EPB41L2: variants seen among roughly 807,000 people sequenced by gnomAD.
EPB41L2 encodes the protein erythrocyte membrane protein band 4.1 like 2.
Under a neutral mutation model 113.0 loss-of-function variants are expected in EPB41L2, and 43 were observed. The observed-to-expected ratio is 0.38, with a 90% CI of 0.30 to 0.49. EPB41L2 has a LOEUF of 0.49. Ranked by LOEUF, EPB41L2 falls within the 20% of genes least tolerant of loss-of-function variation. The probability of loss-of-function intolerance (pLI) is 0.95; values close to 1 mark genes in which losing one functional copy is unlikely to be tolerated. For synonymous variants in EPB41L2, 442 were observed against 436.7 expected (o/e 1.01, Z -0.15); for missense variants, 1,147 against 1,223.4 (o/e 0.94, Z 0.93).
Position 130,926,727 on chromosome 6 carries a change from A to G in EPB41L2, c.706-18T>C. 6.5e-7 allele frequency: 1 copy of G among 1,537,606 alleles called. No individual in the cohort carries two copies. Among genetic ancestry groups the G allele is most frequent in the Non-Finnish European group, 8.8e-7 (1 of 1,130,170 alleles). On this transcript the variant is annotated intron_variant, in intron 3 of 19. Transcript: ENST00000337057. Reference sequence around the variant, plus strand: ...GCATGTTTCTGGAGAAAAAATAATAACTTTACTTTTCAAGTACTAAAGATT... The same window carrying G: ...GCATGTTTCTGGAGAAAAAATAATAGCTTTACTTTTCAAGTACTAAAGATT...
chr6:131,059,616 G>C (rs1245090489), intron 1 of EPB41L2, among the ~76,000 whole-genome samples: 1 of 152,168 alleles, frequency 6.6e-6, no homozygotes, highest in Non-Finnish European at 1.5e-5. Context: ...TGACAGAATC[G>C]CATACAAATC....
Position 130,958,618 on chromosome 6 carries a change from T to C in EPB41L2, c.-14-2119A>G, listed in dbSNP as rs181760426. On this transcript the variant is annotated intron_variant, in intron 1 of 19. Coordinates refer to ENST00000337057, the MANE Select transcript of EPB41L2 (RefSeq NM_001431.4). ...GACAAAATAGCCAGAATGGAAGGTA[T>C]GTGTCAGGCATAGGGAGTTGTGTGG... Among the ~76,000 whole-genome samples, 6 of 152,278 alleles carry C rather than the reference T, an allele frequency of 3.9e-5. No homozygotes were observed. In the East Asian group the frequency reaches 5.8e-4, roughly 15 times the overall value.
chr6:130,875,885 C>G (rs1398394960), intron 14 of EPB41L2, among the ~76,000 whole-genome samples: 1 of 150,530 alleles, frequency 6.6e-6, no homozygotes, highest in Non-Finnish European at 1.5e-5. Flanking sequence ...GTAATCCCAG[C>G]TAAACAGGAA....
At chr6:131,020,667 T>G (rs1789245855) in intron 1 of EPB41L2, among the ~76,000 whole-genome samples, 1 of 152,222 alleles carries the variant, frequency 6.6e-6, no homozygotes, top group Non-Finnish European at 1.5e-5. Flanking sequence ...ATTCTTTAGA[T>G]GGGGTCAACC....
intron 18 of EPB41L2, 145 bp downstream of exon 18, chr6:130,863,493 T>A: frequency 3.5e-6 from 2 of 577,812 alleles, no homozygotes; most frequent in Non-Finnish European, 6.1e-6. Context: ...GTATCCAGGC[T>A]GTGTCTTTAT....
rs112405031 is a variant in EPB41L2 at position 130,971,175 on chromosome 6, G to C, written c.-14-14676C>G. 8.5e-3 allele frequency among the ~76,000 whole-genome samples: 1,296 copies of C among 152,264 alleles called. 23 individuals are homozygous for C. Among genetic ancestry groups the C allele is most frequent in the African/African-American group, 0.029 (1,217 of 41,534 alleles). ...GCCTCCCAAAATGTTGGGATTACAG[G>C]TGTGAGCCACCGCGTCCGGCCACCC... On this transcript the variant is annotated intron_variant, in intron 1 of 19. Transcript: ENST00000337057.
In EPB41L2 at chr6:130,990,016, C is replaced by G. The variant is rs559870597; in HGVS notation, c.-14-33517G>C. The stretch of plus-strand genomic sequence containing the variant: ...GTAACAACAACATAAAGACATATAA[C>G]TAATAAAACACAATAGTGGATCAGC... On this transcript the variant is annotated intron_variant, in intron 1 of 19. Transcript: ENST00000337057. Among the ~76,000 whole-genome samples, 55 of 152,198 alleles carry G rather than the reference C, an allele frequency of 3.6e-4. No individual in the cohort carries two copies. In the South Asian group the frequency reaches 0.011, roughly 30 times the overall value.
At chr6:130,992,458 A>C (rs1584341989) in intron 1 of EPB41L2, among the ~76,000 whole-genome samples, 1 of 152,222 alleles carries the variant, frequency 6.6e-6, no homozygotes, top group South Asian at 2.1e-4. Flanking sequence ...TTTATGAGTT[A>C]ATCAATAATT....
chr6:131,026,958 G>A (rs1025389740), intron 1 of EPB41L2, among the ~76,000 whole-genome samples: 1 of 152,028 alleles, frequency 6.6e-6, no homozygotes, highest in African/African-American at 2.4e-5. Flanking sequence ...CTCAATGCAT[G>A]TAATACATGT....
At chr6:130,867,966 ACACACACTCTCTCT>A (rs66463919) in intron 15 of EPB41L2, 18,233 of 156,674 alleles carry the variant, frequency 0.12, 935 homozygotes, top group South Asian at 0.13. Context: ...ACACACACAC[ACACACACTCTCTCT>A]CTCTCTCTCT....
At chr6:130,975,709 A>G (rs1409016007) in intron 1 of EPB41L2, among the ~76,000 whole-genome samples, 1 of 152,176 alleles carries the variant, frequency 6.6e-6, no homozygotes, top group African/African-American at 2.4e-5. Flanking sequence ...ATAACCTAAA[A>G]AGTACTCAGA....
intron 4 of EPB41L2, among the ~76,000 whole-genome samples, chr6:130,913,944 A>C (rs998858921): frequency 6.6e-6 from 1 of 152,222 alleles, no homozygotes; most frequent in Non-Finnish European, 1.5e-5. Context: ...TGCACAACAT[A>C]CAACAACCGC....
chr6:131,018,075 G>C (rs1449912787), intron 1 of EPB41L2, among the ~76,000 whole-genome samples: 1 of 152,108 alleles, frequency 6.6e-6, no homozygotes, highest in Non-Finnish European at 1.5e-5. Context: ...GCTACCTAAA[G>C]GCCTAGCTAG....
At chr6:130,946,682 A>C (rs1812940163) in intron 3 of EPB41L2, among the ~76,000 whole-genome samples, 1 of 152,120 alleles carries the variant, frequency 6.6e-6, no homozygotes, top group Non-Finnish European at 1.5e-5. Flanking sequence ...TAGACACATA[A>C]AATACATATA....
chr6:130,841,837 C>A (rs1211765239), intron 19 of EPB41L2, among the ~76,000 whole-genome samples: 3 of 152,172 alleles, frequency 2.0e-5, no homozygotes, highest in Non-Finnish European at 4.4e-5. Context: ...AGAACTAAGT[C>A]TCATGTGAGC....
chr6:130,956,005 C>T lies in EPB41L2; in HGVS notation c.481G>A (p.Val161Met). ...ATTCCCAAACATACCTGCATCTCCA[C>T]TTTGCTCACTGAGGGTTTTTCTTCC... Reference protein sequence around the residue: ...SKEEKPSVSKVEMQPTELVSK... With the variant: ...SKEEKPSVSKMEMQPTELVSK... Residue 161 changes from valine (V) to methionine (M), a missense_variant, in exon 2 of 20, where the codon GTG (valine) becomes ATG (methionine). Coordinates refer to ENST00000337057, the MANE Select transcript of EPB41L2 (RefSeq NM_001431.4). 1 of 1,611,278 alleles carries T rather than the reference C, an allele frequency of 6.2e-7. No homozygotes were observed.
At position 130,844,574 on chromosome 6, in the gene EPB41L2, C is replaced by T. The variant is rs537415069; in HGVS notation, c.*6-3976G>A. Among the ~76,000 whole-genome samples, 5 of 151,780 alleles carry T rather than the reference C, an allele frequency of 3.3e-5. No individual in the cohort carries two copies. The East Asian group carries it at 9.8e-4, about 30-fold the overall frequency. The stretch of plus-strand genomic sequence containing the variant: ...CACAGAGCAAGACTGTCTTAAGACA[C>T]TGCATTTCCTAAGCAAAAATGAACT... On this transcript the variant is annotated intron_variant, in intron 19 of 19. Coordinates refer to ENST00000337057, the MANE Select transcript of EPB41L2 (RefSeq NM_001431.4).
intron 1 of EPB41L2, chr6:130,978,467 C>T (rs1015842175): frequency 3.3e-5 from 5 of 152,170 alleles, no homozygotes; most frequent in African/African-American, 4.8e-5. Context: ...ACAGCTCTGT[C>T]GCTTCACTTT....
intron 1 of EPB41L2, among the ~76,000 whole-genome samples, chr6:130,990,597 G>A (rs1000852412): frequency 6.6e-6 from 1 of 152,142 alleles, no homozygotes; most frequent in Non-Finnish European, 1.5e-5. Flanking sequence ...AAGAGAGATG[G>A]TACGAAGCAG....
Sources: allele counts gnomAD v4.1 joint callset (sites outside exome capture counted in the v4.1 genomes callset), GRCh38; gene constraint gnomAD v4.1.1; transcripts MANE v1.5; gene names NCBI Gene and HGNC (gene_info 2026-07-23, HGNC 2026-07-21).